EPHA6: variants seen among roughly 807,000 people sequenced by gnomAD.
EPHA6 encodes ephrin type-A receptor 6.
In EPHA6, 50 loss-of-function variants were observed where a neutral mutation model predicts 112.0. The observed-to-expected ratio is 0.45, with a 90% confidence interval of 0.36 to 0.56. The LOEUF (loss-of-function observed/expected upper bound fraction) is 0.56, where lower values mean the gene tolerates loss of function less well. EPHA6 is among the 20% of genes least tolerant of loss of function. EPHA6 has a pLI of 0.00. For synonymous variants in EPHA6, 529 were observed against 490.7 expected, an observed-to-expected ratio of 1.08 and a Z score of -1.03; for missense variants, 1,280 against 1,417.4, an observed-to-expected ratio of 0.90 and a Z score of 1.56.
intron 6 of EPHA6, among the ~76,000 whole-genome samples, chr3:97,407,708 G>C (rs1460452271): frequency 2.6e-5 from 4 of 151,838 alleles, no homozygotes; most frequent in African/African-American, 7.3e-5. Context: ...GTCAAGAAAA[G>C]TTACAAAACT....
chr3:97,047,499 CAAAAAAAAAAAAA>C (rs556388538), intron 3 of EPHA6, among the ~76,000 whole-genome samples: 2 of 46,452 alleles, frequency 4.3e-5, no homozygotes, highest in Non-Finnish European at 9.6e-5. Context: ...GACTCTGTCT[CAAAAAAAAAAAAA>C]AAAAAAAAAG....
intron 3 of EPHA6, among the ~76,000 whole-genome samples, chr3:97,213,882 T>A (rs1217957767): frequency 6.6e-6 from 1 of 152,166 alleles, no homozygotes; most frequent in Non-Finnish European, 1.5e-5. Flanking sequence ...TAATGGTTTT[T>A]CTATTTGTTT....
chr3:96,900,944 A>G (rs571459250), intron 2 of EPHA6, among the ~76,000 whole-genome samples: 1 of 152,350 alleles, frequency 6.6e-6, no homozygotes, highest in South Asian at 2.1e-4. Flanking sequence ...CCTCATTCTG[A>G]ATCTTTGACC....
At chr3:97,068,714 G>A (rs2046258750) in intron 3 of EPHA6, among the ~76,000 whole-genome samples, 1 of 151,988 alleles carries the variant, frequency 6.6e-6, no homozygotes, top group South Asian at 2.1e-4. Flanking sequence ...GATAGGAAAG[G>A]AGGGCTTGTG....
chr3:96,975,174 G>A (rs1216350300), intron 2 of EPHA6, among the ~76,000 whole-genome samples: 2 of 152,048 alleles, frequency 1.3e-5, no homozygotes, highest in Admixed American at 6.6e-5. Context: ...CCCTATGATC[G>A]ATCATCTAGG....
chr3:97,375,358 A>G (rs749120305), intron 5 of EPHA6, among the ~76,000 whole-genome samples: 1 of 152,178 alleles, frequency 6.6e-6, no homozygotes, highest in Non-Finnish European at 1.5e-5. Flanking sequence ...AAATTCCACA[A>G]TTATTAGTGT....
chr3:97,498,772 G>C (rs899268519), intron 10 of EPHA6, among the ~76,000 whole-genome samples: 1 of 152,144 alleles, frequency 6.6e-6, no homozygotes, highest in Non-Finnish European at 1.5e-5. Flanking sequence ...GTGCATGTGA[G>C]GGACCTAGGT....
intron 5 of EPHA6, among the ~76,000 whole-genome samples, chr3:97,329,815 A>G (rs914904291): frequency 6.6e-6 from 1 of 151,950 alleles, no homozygotes; most frequent in East Asian, 1.9e-4. Flanking sequence ...GAAGCTCTTT[A>G]GTTTAATTAG....
intron 2 of EPHA6, among the ~76,000 whole-genome samples, chr3:96,879,442 G>C (rs2037175670): frequency 6.6e-6 from 1 of 152,066 alleles, no homozygotes; most frequent in African/African-American, 2.4e-5. Flanking sequence ...AGCAGTTAGT[G>C]GGGGATAGGG....
intron 7 of EPHA6, among the ~76,000 whole-genome samples, chr3:97,452,141 A>G (rs1339985380): frequency 6.6e-6 from 1 of 151,910 alleles, no homozygotes; most frequent in Non-Finnish European, 1.5e-5. Context: ...CTGAAGAAAA[A>G]TTATGGCGAC....
In EPHA6 at chr3:97,751,197, T is replaced by A. The variant is rs2035892396; in HGVS notation, c.*2496T>A. Among the ~76,000 whole-genome samples the A allele has an allele frequency of 6.6e-6, 1 of 152,138 alleles. No individual in the cohort carries two copies. The highest frequency in any genetic ancestry group is 6.5e-5 in the Admixed American group (1 of 15,280). Reference sequence around the variant, plus strand: ...CCTTGAAATAAATTCTATTAAGTTATTTAAATTTCTATGGGATGAGCATTC... The same window carrying A: ...CCTTGAAATAAATTCTATTAAGTTAATTAAATTTCTATGGGATGAGCATTC... On this transcript the variant is annotated 3_prime_UTR_variant, in exon 18 of 18. Coordinates refer to ENST00000389672, the MANE Select transcript of EPHA6 (RefSeq NM_001080448.3).
chr3:96,968,214 A>T (rs1211557191), intron 2 of EPHA6, among the ~76,000 whole-genome samples: 1 of 151,764 alleles, frequency 6.6e-6, no homozygotes, highest in Admixed American at 6.6e-5. Flanking sequence ...CTGACTTTGG[A>T]TGTAAACTTC....
At chr3:97,030,708 A>G (rs1236202561) in intron 3 of EPHA6, among the ~76,000 whole-genome samples, 5 of 152,092 alleles carry the variant, frequency 3.3e-5, no homozygotes, top group African/African-American at 1.2e-4. Context: ...CAAGGAATTA[A>G]TTAGAAAAGT....
At chr3:97,373,245 C>G (rs541251730) in intron 5 of EPHA6, among the ~76,000 whole-genome samples, 1 of 152,046 alleles carries the variant, frequency 6.6e-6, no homozygotes, top group Non-Finnish European at 1.5e-5. Context: ...AAATTAGGTA[C>G]AAACATTTTG....
At chr3:97,655,046 T>G (rs993062701) in intron 14 of EPHA6, among the ~76,000 whole-genome samples, 1 of 150,556 alleles carries the variant, frequency 6.6e-6, no homozygotes, top group African/African-American at 2.4e-5. Context: ...GTGAAGATAT[T>G]TGGGATATCT....
At position 97,610,845 on chromosome 3, in the gene EPHA6, C is replaced by T. The variant is rs2093713545; in HGVS notation, c.2565C>T (p.Ser855=). 1 of 1,610,852 alleles carries T rather than the reference C, an allele frequency of 6.2e-7. No homozygotes were observed. The highest frequency in any genetic ancestry group is 8.5e-7 in the Non-Finnish European group (1 of 1,177,948). Residue 855 remains serine, a synonymous_variant, in exon 13 of 18, where the codon TCC becomes TCT. Transcript: ENST00000389672. The part of the protein sequence containing the change: ...VEYMENGSLD[S]FLRKHDGHFT... ...ATATGGAGAATGGATCCCTAGACTC[C>T]TTTTTGCGGGTGAGGTGTTCTTTTC...
chr3:97,324,426 T>C (rs1362339618), intron 5 of EPHA6, among the ~76,000 whole-genome samples: 3 of 144,366 alleles, frequency 2.1e-5, no homozygotes, highest in Admixed American at 7.0e-5. Flanking sequence ...TCTTTCTTTC[T>C]TTCTTTCTTT....
At chr3:97,459,606 C>T (rs562340475) in intron 7 of EPHA6, among the ~76,000 whole-genome samples, 1 of 152,270 alleles carries the variant, frequency 6.6e-6, no homozygotes, top group Admixed American at 6.5e-5. Context: ...ACAGGCAATC[C>T]AGTCACAGCA....
intron 1 of EPHA6, among the ~76,000 whole-genome samples, chr3:96,839,719 A>G (rs1021916531): frequency 3.3e-5 from 5 of 152,106 alleles, no homozygotes; most frequent in African/African-American, 9.7e-5. Context: ...GGAATGTGAA[A>G]AAAAGATTTC....
Sources: gnomAD v4.1 joint callset for allele counts (sites outside exome capture counted in the v4.1 genomes callset) on GRCh38, gnomAD v4.1.1 for gene constraint, MANE v1.5 for transcripts, NCBI Gene and HGNC (gene_info 2026-07-23, HGNC 2026-07-21) for gene names.